The following GRIN2A variants were observed in gnomAD, a reference collection of about 807,000 sequenced individuals.
GRIN2A encodes the protein glutamate ionotropic receptor NMDA type subunit 2A.
Under a neutral mutation model 113.4 loss-of-function variants are expected in GRIN2A, and 22 were observed. The ratio of observed to expected loss-of-function variants is 0.19; its 90% CI spans 0.14 to 0.28. The LOEUF (loss-of-function observed/expected upper bound fraction) is 0.28, where lower values mean the gene tolerates loss of function less well. Ranked by LOEUF, GRIN2A falls within the 10% of genes least tolerant of loss-of-function variation. The probability of loss-of-function intolerance (pLI) is 1.00; values close to 1 mark genes in which losing one functional copy is unlikely to be tolerated. For synonymous variants in GRIN2A, 827 were observed against 738.4 expected, an observed-to-expected ratio of 1.12 and a Z score of -1.94; for missense variants, 1,502 against 1,887.0, an observed-to-expected ratio of 0.80 and a Z score of 3.78.
At chr16:10,136,228 A>T (rs945991716) in intron 2 of GRIN2A, among the ~76,000 whole-genome samples, 1 of 152,154 alleles carries the variant, frequency 6.6e-6, no homozygotes, top group African/African-American at 2.4e-5. Context: ...TATTGTAAAT[A>T]TTGGAAGCAT....
At position 9,869,428 on chromosome 16, in the gene GRIN2A, G is replaced by A. The variant is rs1476053307; in HGVS notation, c.1123-19467C>T. On this transcript the variant is annotated intron_variant, in intron 4 of 12. Coordinates refer to ENST00000330684, the MANE Select transcript of GRIN2A (RefSeq NM_001134407.3). Reference sequence around the variant, plus strand: ...AGCCTGGGCAACAGAGCAAGACTCTGTCTCTAAATAAATAAAACAGACAAG... The same window carrying A: ...AGCCTGGGCAACAGAGCAAGACTCTATCTCTAAATAAATAAAACAGACAAG... Among the ~76,000 whole-genome samples, 3 of 152,108 alleles carry A rather than the reference G, an allele frequency of 2.0e-5. No individual in the cohort carries two copies. In the East Asian group the frequency reaches 5.8e-4, roughly 29 times the overall value.
rs2046305721 is a variant in GRIN2A at position 10,000,714 on chromosome 16, T to TCCCCATCCATACAA, written c.415-62164_415-62163insTTGTATGGATGGGG. On this transcript the variant is annotated intron_variant, in intron 2 of 12. Coordinates refer to ENST00000330684, the MANE Select transcript of GRIN2A (RefSeq NM_001134407.3). The stretch of plus-strand genomic sequence containing the variant: ...CCTATCCATCATGCTTCTTTGGTTT[T>TCCCCATCCATACAA]GGACAGCACCTTGTAAATATCATTT... Among the ~76,000 whole-genome samples, 4 of 152,230 alleles carry TCCCCATCCATACAA rather than the reference T, an allele frequency of 2.6e-5. No homozygotes were observed. The South Asian group carries it at 8.3e-4, about 32-fold the overall frequency.
At chr16:9,993,617 T>C (rs906158476) in intron 2 of GRIN2A, among the ~76,000 whole-genome samples, 3 of 152,166 alleles carry the variant, frequency 2.0e-5, no homozygotes, top group African/African-American at 4.8e-5. Context: ...AAATTGAGGC[T>C]CTTCCATTTT....
In GRIN2A at chr16:9,963,050, T is replaced by C. The variant is rs560534945; in HGVS notation, c.415-24499A>G. The stretch of plus-strand genomic sequence containing the variant: ...AAAACCAAACACCACATGTTCTCAC[T>C]CATAGGTGGGAACTGAACAATGAGA... On this transcript the variant is annotated intron_variant, in intron 2 of 12. Transcript: ENST00000330684. 1.3e-3 allele frequency among the ~76,000 whole-genome samples: 180 copies of C among 143,316 alleles called. 2 individuals carry two copies. The highest frequency in any genetic ancestry group is 4.3e-3 in the African/African-American group (164 of 38,488). The allele number at this position is 143,316 out of a possible 152,430, so 94.0% of individuals were successfully genotyped here.
chr16:9,858,229 A>G (rs1322338564), intron 4 of GRIN2A, among the ~76,000 whole-genome samples: 1 of 152,210 alleles, frequency 6.6e-6, no homozygotes, highest in Non-Finnish European at 1.5e-5. Flanking sequence ...GAAGAAAGCA[A>G]TAAAGTGGGG....
intron 2 of GRIN2A, among the ~76,000 whole-genome samples, chr16:10,085,241 T>A (rs769683680): frequency 4.6e-5 from 7 of 152,020 alleles, no homozygotes; most frequent in Non-Finnish European, 8.8e-5. Context: ...CTGGGGAGTG[T>A]AGCATCCAGC....
chr16:9,986,883 G>T (rs1319000397), intron 2 of GRIN2A, among the ~76,000 whole-genome samples: 1 of 150,942 alleles, frequency 6.6e-6, no homozygotes, highest in Non-Finnish European at 1.5e-5. Flanking sequence ...GGTATTTTCT[G>T]TCCTCCAATT....
intron 2 of GRIN2A, among the ~76,000 whole-genome samples, chr16:10,029,429 G>C (rs1047059838): frequency 6.6e-6 from 1 of 152,088 alleles, no homozygotes; most frequent in African/African-American, 2.4e-5. Flanking sequence ...CCTTAGGTCA[G>C]GTGATCCTCC....
At chr16:10,076,711 C>A (rs1345612782) in intron 2 of GRIN2A, among the ~76,000 whole-genome samples, 2 of 152,154 alleles carry the variant, frequency 1.3e-5, no homozygotes, top group Non-Finnish European at 2.9e-5. Flanking sequence ...TGAACAAATG[C>A]AGAAAGTAAA....
At chr16:9,822,718 G>C (rs2042313080) in intron 9 of GRIN2A, among the ~76,000 whole-genome samples, 1 of 152,126 alleles carries the variant, frequency 6.6e-6, no homozygotes, top group South Asian at 2.1e-4. Flanking sequence ...TATTTGTTGA[G>C]TTGAACTTTT....
At chr16:10,096,589 G>A (rs539726744) in intron 2 of GRIN2A, among the ~76,000 whole-genome samples, 12 of 97,624 alleles carry the variant, frequency 1.2e-4, no homozygotes, top group South Asian at 9.8e-4. Context: ...TCTCTTGGCC[G>A]GTCAGCATAG....
At chr16:9,979,637 A>C (rs763555671) in intron 2 of GRIN2A, among the ~76,000 whole-genome samples, 6 of 152,008 alleles carry the variant, frequency 3.9e-5, no homozygotes, top group Non-Finnish European at 8.8e-5. Context: ...ATGTCTCCCT[A>C]TACTAGAATC....
chr16:9,865,290 C>T (rs959955094), intron 4 of GRIN2A, among the ~76,000 whole-genome samples: 14 of 152,060 alleles, frequency 9.2e-5, no homozygotes, highest in African/African-American at 3.4e-4. Flanking sequence ...CCTAAGTAAC[C>T]CACCACCGTC....
At chr16:9,992,640 T>A (rs1373461716) in intron 2 of GRIN2A, among the ~76,000 whole-genome samples, 2 of 152,234 alleles carry the variant, frequency 1.3e-5, no homozygotes, top group Non-Finnish European at 2.9e-5. Flanking sequence ...GGGCAGGTTA[T>A]AAATTGTTCT....
At chr16:9,898,933 A>C (rs947162398) in intron 3 of GRIN2A, among the ~76,000 whole-genome samples, 1 of 151,478 alleles carries the variant, frequency 6.6e-6, no homozygotes, top group Non-Finnish European at 1.5e-5. Context: ...ATCCCTCTTT[A>C]GTACAACTTC....
At chr16:10,157,105 A>G (rs540222991) in intron 2 of GRIN2A, among the ~76,000 whole-genome samples, 1 of 152,284 alleles carries the variant, frequency 6.6e-6, no homozygotes, top group South Asian at 2.1e-4. Context: ...CCCCTTGAGT[A>G]GGAGAGCTTC....
chr16:9,915,974 A>T (rs76227426), intron 3 of GRIN2A, among the ~76,000 whole-genome samples: 2,478 of 152,338 alleles, frequency 0.016, 37 homozygotes, highest in Non-Finnish European at 0.028. Context: ...ATTAATCAAC[A>T]TCTGTACTTC....
chr16:10,055,048 A>G (rs965514400), intron 2 of GRIN2A, among the ~76,000 whole-genome samples: 8 of 28,888 alleles, frequency 2.8e-4, no homozygotes, highest in African/African-American at 1.1e-3. Flanking sequence ...ACTCTATCTC[A>G]AAAAAAAAAA....
rs1189131941 is a variant in GRIN2A at position 9,763,170 on chromosome 16, A to G, written c.4374T>C (p.Pro1458=). Residue 1458 remains proline, a synonymous_variant, in exon 13 of 13, where the codon CCT becomes CCC. Transcript: ENST00000330684. ...CSNRRVYKKM[P]SIESDV is the part of the protein sequence containing the mutation. ...ATTTTTAAACATCAGATTCGATACT[A>G]GGCATTTTCTTGTACACGCGTCTAT... 1 of 1,613,666 alleles carries G rather than the reference A, an allele frequency of 6.2e-7. No homozygotes were observed. Among genetic ancestry groups the G allele is most frequent in the Non-Finnish European group, 8.5e-7 (1 of 1,179,648 alleles).
Sources: allele counts gnomAD v4.1 joint callset (sites outside exome capture counted in the v4.1 genomes callset), GRCh38; gene constraint gnomAD v4.1.1; transcripts MANE v1.5; gene names NCBI Gene and HGNC (gene_info 2026-07-23, HGNC 2026-07-21).